The following CHST3 variants were observed in gnomAD, a reference collection of about 807,000 sequenced individuals.
CHST3 encodes the protein C6ST-1.
CHST3 carries 20 observed loss-of-function variants against 35.4 expected under a neutral mutation model. The observed-to-expected ratio is 0.57, with a 90% CI of 0.40 to 0.82. The LOEUF is 0.82. CHST3 is among the 40% of genes least tolerant of loss of function. The pLI, the probability that CHST3 is intolerant of heterozygous loss-of-function variation, is 0.00. For missense variants in CHST3, 693 were observed against 670.1 expected, an observed-to-expected ratio of 1.03 and a Z score of -0.38; for synonymous variants, 334 against 295.9, an observed-to-expected ratio of 1.13 and a Z score of -1.32.
intron 1 of CHST3, among the ~76,000 whole-genome samples, chr10:71,979,851 G>A (rs542439970): frequency 6.6e-6 from 1 of 152,318 alleles, no homozygotes; most frequent in East Asian, 1.9e-4. Context: ...TGGTCCGTAT[G>A]CGTATAGACA....
At chr10:71,999,558 C>A (rs1324525693) in intron 1 of CHST3, among the ~76,000 whole-genome samples, 1 of 152,232 alleles carries the variant, frequency 6.6e-6, no homozygotes, top group Non-Finnish European at 1.5e-5. Context: ...CACCCCACCC[C>A]ACTGTGCTCT....
rs568321203 is a variant in CHST3, at chr10:71,977,183, C to T, written c.-108+12489C>T. Among the ~76,000 whole-genome samples, 37 of 152,358 alleles carry T rather than the reference C, an allele frequency of 2.4e-4. 1 individual carries two copies. In the East Asian group the frequency reaches 7.1e-3, roughly 29 times the overall value. On this transcript the variant is annotated intron_variant, in intron 1 of 2. Coordinates refer to ENST00000373115, the MANE Select transcript of CHST3 (RefSeq NM_004273.5). ...TGTCCCTTCCCAAAAAGTGTTGCTG[C>T]CCACAGTCCCAGCCCCCAGACCTGA... is the stretch of plus-strand genomic sequence containing the variant.
Position 72,007,719 on chromosome 10 carries a change from G to A in CHST3, c.688G>A (p.Glu230Lys), listed in dbSNP as rs774599785. ...FRRGSSRSLCEDPVCTPFVKK... is the reference protein window; with the variant it reads ...FRRGSSRSLCKDPVCTPFVKK... ...CCGGGGCTCCAGCCGCTCCCTGTGCGAGGACCCCGTCTGTACGCCCTTCGT... is the reference window on the plus strand; with the variant it reads ...CCGGGGCTCCAGCCGCTCCCTGTGCAAGGACCCCGTCTGTACGCCCTTCGT... The change falls in exon 3 of 3, where the codon GAG becomes AAG. Residue 230 changes from glutamate (E) to lysine (K), a missense_variant. Transcript: ENST00000373115. The A allele has an allele frequency of 1.9e-6, 3 of 1,605,646 alleles. No homozygotes were observed. The highest frequency in any genetic ancestry group is 2.2e-5 in the South Asian group (2 of 91,008).
chr10:72,007,947 G>A lies in CHST3; in HGVS notation c.916G>A (p.Val306Met), dbSNP rs1564532505. Reference sequence around the variant, plus strand: ...CCAGCTGGTGCGCGACCCCCGGGCCGTGCTGGCCTCGCGCATGGTGGCCTT... The same window carrying A: ...CCAGCTGGTGCGCGACCCCCGGGCCATGCTGGCCTCGCGCATGGTGGCCTT... Reference protein sequence around the residue: ...VIQLVRDPRAVLASRMVAFAG... With the variant: ...VIQLVRDPRAMLASRMVAFAG... The change falls in exon 3 of 3, where the codon GTG (valine) becomes ATG (methionine). Residue 306 changes from valine to methionine, a missense_variant. By Grantham distance (21) the Val-to-Met change is conservative (BLOSUM62 1). Transcript: ENST00000373115. 6.5e-7 allele frequency: 1 copy of A among 1,550,054 alleles called. No homozygotes were observed. Among genetic ancestry groups the A allele is most frequent in the Non-Finnish European group, 8.7e-7 (1 of 1,146,880 alleles).
rs183570745 is a variant in CHST3 at position 71,965,270 on chromosome 10, G to A, written c.-108+576G>A. On this transcript the variant is annotated intron_variant, in intron 1 of 2. Coordinates refer to ENST00000373115, the MANE Select transcript of CHST3 (RefSeq NM_004273.5). ...TCTGGGTGATGTGTGAGTGTGCGAA[G>A]CCCTTCCGGAGGCGAGGCCCGGAGA... Among the ~76,000 whole-genome samples, 173 of 152,326 alleles carry A rather than the reference G, an allele frequency of 1.1e-3. 1 individual carries two copies. The highest frequency in any genetic ancestry group is 3.7e-3 in the African/African-American group (155 of 41,578).
At position 72,008,532 on chromosome 10, in the gene CHST3, C is replaced by CGGGTG; in HGVS notation, c.*61_*62insGGGTG. On this transcript the variant is annotated 3_prime_UTR_variant, in exon 3 of 3. Transcript: ENST00000373115. The stretch of plus-strand genomic sequence containing the variant: ...GGCCTGCCCCGTCTTTCTGCCGCAG[C>CGGGTG]CCTCGCAGAGGGCGGGTGCACAGCG... 2 of 1,454,822 alleles carry CGGGTG rather than the reference C, an allele frequency of 1.4e-6. No homozygotes were observed. The highest frequency in any genetic ancestry group is 1.8e-6 in the Non-Finnish European group (2 of 1,103,970). 90.1% of individuals were successfully genotyped at this position (1,454,822 alleles called of 1,614,324 possible). A position where few individuals can be genotyped will look rare whatever the true frequency, so the allele number is the denominator to read the frequency against.
chr10:71,977,121 C>T (rs756454651), intron 1 of CHST3, among the ~76,000 whole-genome samples: 5 of 152,212 alleles, frequency 3.3e-5, no homozygotes, highest in African/African-American at 4.8e-5. Flanking sequence ...CAGCTCTTCC[C>T]GAGGACTGTT....
intron 1 of CHST3, among the ~76,000 whole-genome samples, chr10:71,999,591 G>A (rs750840744): frequency 6.6e-5 from 10 of 152,260 alleles, no homozygotes; most frequent in African/African-American, 9.6e-5. Flanking sequence ...GGCGAGGGGA[G>A]TGGAGTTTTG....
rs1589509710 is a variant in CHST3, at chr10:72,007,940, C to A, written c.909C>A (p.Pro303=). ...GCGTCATCCAGCTGGTGCGCGACCC[C>A]CGGGCCGTGCTGGCCTCGCGCATGG... ...DLRVIQLVRD[P]RAVLASRMVA... The change falls in exon 3 of 3, where the codon CCC becomes CCA. Residue 303 remains proline, a synonymous_variant. Transcript: ENST00000373115. The A allele has an allele frequency of 6.5e-7, 1 of 1,550,210 alleles. No individual in the cohort carries two copies. Among genetic ancestry groups the A allele is most frequent in the African/African-American group, 1.4e-5 (1 of 73,070 alleles).
At chr10:71,973,359 C>A (rs1041145103) in intron 1 of CHST3, among the ~76,000 whole-genome samples, 9 of 152,206 alleles carry the variant, frequency 5.9e-5, no homozygotes, top group Admixed American at 4.6e-4. Context: ...GCTGGCTGCA[C>A]TCTGGGCCCA....
At chr10:71,966,630 T>G (rs1839634307) in intron 1 of CHST3, among the ~76,000 whole-genome samples, 1 of 152,246 alleles carries the variant, frequency 6.6e-6, no homozygotes, top group Admixed American at 6.5e-5. Context: ...TGATCTGGGC[T>G]TGGGCACCCC....
Position 72,005,953 on chromosome 10 carries a change from C to A in CHST3, c.111C>A (p.Phe37Leu), listed in dbSNP as rs371428228. The change falls in exon 2 of 3, where the codon TTC becomes TTA. Residue 37 changes from phenylalanine (F) to leucine (L), a missense_variant. Coordinates refer to ENST00000373115, the MANE Select transcript of CHST3 (RefSeq NM_004273.5). ...FLVFVVIVFV[F>L]IEKENKIISR... ...TTTTTGTGGTGATAGTTTTTGTCTTCATCGAAAAGGAAAATAAAATCATAT... is the reference window on the plus strand; with the variant it reads ...TTTTTGTGGTGATAGTTTTTGTCTTAATCGAAAAGGAAAATAAAATCATAT... The A allele has an allele frequency of 1.9e-6, 3 of 1,590,234 alleles. No homozygotes were observed. The highest frequency in any genetic ancestry group is 2.3e-5 in the East Asian group (1 of 43,334).
In CHST3 at chr10:72,008,330, C is replaced by T; in HGVS notation, c.1299C>T (p.Pro433=). The T allele has an allele frequency of 1.3e-6, 2 of 1,575,650 alleles. No homozygotes were observed. The highest frequency in any genetic ancestry group is 1.7e-6 in the Non-Finnish European group (2 of 1,161,196). ...EQFEKWRFSM[P]FKLAQVVQAA... is the part of the protein sequence containing the mutation. ...TCGAGAAGTGGCGCTTCAGCATGCC[C>T]TTCAAGCTGGCCCAGGTGGTGCAGG... The change falls in exon 3 of 3, where the codon CCC becomes CCT. Residue 433 remains proline, a synonymous_variant. Coordinates refer to ENST00000373115, the MANE Select transcript of CHST3 (RefSeq NM_004273.5).
At chr10:71,981,193 T>C (rs540019218) in intron 1 of CHST3, among the ~76,000 whole-genome samples, 1 of 152,344 alleles carries the variant, frequency 6.6e-6, no homozygotes, top group South Asian at 2.1e-4. Flanking sequence ...GTCCCCAGTT[T>C]CCCAGCTTTA....
intron 1 of CHST3, among the ~76,000 whole-genome samples, chr10:71,965,035 G>T (rs1446197124): frequency 6.6e-6 from 1 of 152,160 alleles, no homozygotes; most frequent in African/African-American, 2.4e-5. Context: ...TCTACAGCAG[G>T]CACGTCCTCA....
chr10:71,995,930 G>A (rs144121677), intron 1 of CHST3, among the ~76,000 whole-genome samples: 217 of 152,286 alleles, frequency 1.4e-3, no homozygotes, highest in African/African-American at 5.0e-3. Flanking sequence ...AAATGGCACT[G>A]ATAAGACTTG....
At chr10:71,979,615 C>G (rs1447303637) in intron 1 of CHST3, among the ~76,000 whole-genome samples, 1 of 152,200 alleles carries the variant, frequency 6.6e-6, no homozygotes, top group South Asian at 2.1e-4. Flanking sequence ...GTACCGCCTT[C>G]CCTTTTCTGC....
At chr10:71,996,913 TTTTTGTTTTG>T (rs371381781) in intron 1 of CHST3, among the ~76,000 whole-genome samples, 2 of 151,960 alleles carry the variant, frequency 1.3e-5, no homozygotes, top group African/African-American at 2.4e-5. Context: ...TTTGTTTTGT[TTTTTGTTTTG>T]TTTTGTTTTG....
chr10:71,981,456 C>G (rs1839800833), intron 1 of CHST3, among the ~76,000 whole-genome samples: 2 of 152,238 alleles, frequency 1.3e-5, no homozygotes, highest in Non-Finnish European at 2.9e-5. Flanking sequence ...GCACAGAGCA[C>G]TTCTGTTCCA....
Sources: gnomAD v4.1 joint callset for allele counts (sites outside exome capture counted in the v4.1 genomes callset) on GRCh38, gnomAD v4.1.1 for gene constraint, MANE v1.5 for transcripts, NCBI Gene and HGNC (gene_info 2026-07-23, HGNC 2026-07-21) for gene names.